NRXN3: variants seen among roughly 807,000 people sequenced by gnomAD.
NRXN3 encodes neurexin 3.
NRXN3 carries 32 observed loss-of-function variants against 137.6 expected under a neutral mutation model. The ratio of observed to expected loss-of-function variants is 0.23; its 90% CI spans 0.18 to 0.31. NRXN3 has a LOEUF of 0.31. Among genes scored for constraint, NRXN3 ranks in the 10% least tolerant of loss-of-function variants. NRXN3 has a pLI of 1.00. For missense variants in NRXN3, 1,574 were observed against 2,062.5 expected (o/e 0.76, Z 4.59); for synonymous variants, 798 against 784.5 (o/e 1.02, Z -0.29).
chr14:78,577,482 T>C (rs1425661800), intron 4 of NRXN3, among the ~76,000 whole-genome samples: 2 of 152,196 alleles, frequency 1.3e-5, no homozygotes, highest in African/African-American at 4.8e-5. Context: ...ATTTTTTTTT[T>C]GCGATGGAGT....
At chr14:78,180,422 C>T (rs534108088) in intron 1 of NRXN3, among the ~76,000 whole-genome samples, 217 of 152,310 alleles carry the variant, frequency 1.4e-3, no homozygotes, top group African/African-American at 4.8e-3. Flanking sequence ...ATTGGCTGAG[C>T]TGCCGCTGCA....
chr14:79,509,704 T>C (rs1475331189), intron 16 of NRXN3, among the ~76,000 whole-genome samples: 1 of 151,972 alleles, frequency 6.6e-6, no homozygotes, highest in African/African-American at 2.4e-5. Flanking sequence ...CATTTCACAA[T>C]GTCAACATAT....
intron 10 of NRXN3, among the ~76,000 whole-genome samples, chr14:78,925,674 A>G (rs1045598570): frequency 2.0e-5 from 3 of 152,154 alleles, no homozygotes; most frequent in African/African-American, 7.2e-5. Context: ...GGATTTAAAT[A>G]TAGTTATTGA....
intron 4 of NRXN3, among the ~76,000 whole-genome samples, chr14:78,379,723 T>C (rs1389257763): frequency 3.3e-5 from 5 of 152,236 alleles, no homozygotes; most frequent in Non-Finnish European, 7.3e-5. Context: ...CTCTCAGCTC[T>C]TATTCAAATA....
intron 6 of NRXN3, chr14:78,697,764 T>A (rs916409689): frequency 1.3e-5 from 2 of 151,998 alleles, no homozygotes; most frequent in Non-Finnish European, 2.9e-5. Context: ...CTGTCTATAT[T>A]ATTGTCAGTT....
At chr14:78,669,642 C>A (rs1037832776) in intron 6 of NRXN3, among the ~76,000 whole-genome samples, 2 of 152,054 alleles carry the variant, frequency 1.3e-5, no homozygotes, top group East Asian at 3.9e-4. Context: ...TCTCTTCTTG[C>A]TTCATTGCTT....
At position 78,628,026 on chromosome 14, in the gene NRXN3, G is replaced by A. The variant is rs1489549280; in HGVS notation, c.758-17094G>A. 7.3e-5 allele frequency among the ~76,000 whole-genome samples: 11 copies of A among 151,168 alleles called. No homozygotes were observed. The South Asian group carries it at 1.0e-3, about 14-fold the overall frequency. Reference sequence around the variant, plus strand: ...AAATGGTGGTCATCTTCTGGAATGGGAAAAAGAATAGTTGATATGGATAAT... The same window carrying A: ...AAATGGTGGTCATCTTCTGGAATGGAAAAAAGAATAGTTGATATGGATAAT... On this transcript the variant is annotated intron_variant, in intron 4 of 20. Coordinates refer to ENST00000335750, the MANE Select transcript of NRXN3 (RefSeq NM_001330195.2).
At chr14:79,203,916 G>A (rs1030739499) in intron 15 of NRXN3, among the ~76,000 whole-genome samples, 1 of 152,144 alleles carries the variant, frequency 6.6e-6, no homozygotes, top group African/African-American at 2.4e-5. Flanking sequence ...CTTTCTGAGA[G>A]AAAAAGCTCT....
chr14:78,172,188 A>T (rs2058788066), intron 1 of NRXN3, among the ~76,000 whole-genome samples: 1 of 152,004 alleles, frequency 6.6e-6, no homozygotes, highest in South Asian at 2.1e-4. Context: ...TGCCTTTGTG[A>T]TGAAGGTTCC....
intron 15 of NRXN3, among the ~76,000 whole-genome samples, chr14:79,144,222 C>T (rs1467724565): frequency 6.6e-6 from 1 of 152,146 alleles, no homozygotes; most frequent in Non-Finnish European, 1.5e-5. Flanking sequence ...TTTTCTACTT[C>T]AACACAGTCC....
chr14:79,041,514 G>A (rs1263870846), intron 15 of NRXN3, among the ~76,000 whole-genome samples: 1 of 152,176 alleles, frequency 6.6e-6, no homozygotes, highest in African/African-American at 2.4e-5. Flanking sequence ...TTCTTAATAT[G>A]TCTTAATATA....
chr14:78,918,285 C>CAAAAA (rs71454807), intron 10 of NRXN3, among the ~76,000 whole-genome samples: 29 of 34,586 alleles, frequency 8.4e-4, no homozygotes, highest in African/African-American at 2.0e-3. Context: ...AACTCCATCT[C>CAAAAA]AAAAAAAAAA....
chr14:78,881,683 A>T (rs1350217249), intron 10 of NRXN3, among the ~76,000 whole-genome samples: 1 of 151,706 alleles, frequency 6.6e-6, no homozygotes, highest in African/African-American at 2.4e-5. Flanking sequence ...ATATTCACAA[A>T]GATAGAATTT....
intron 8 of NRXN3, among the ~76,000 whole-genome samples, chr14:78,798,426 T>G (rs1189069088): frequency 1.3e-5 from 2 of 152,228 alleles, no homozygotes; most frequent in Non-Finnish European, 2.9e-5. Flanking sequence ...TTCCCATGGC[T>G]TTGGGCAGCT....
intron 15 of NRXN3, among the ~76,000 whole-genome samples, chr14:79,113,150 T>G (rs1394395597): frequency 6.6e-6 from 1 of 152,064 alleles, no homozygotes; most frequent in Non-Finnish European, 1.5e-5. Context: ...CTTCCAATTG[T>G]GCAAATAAAA....
intron 16 of NRXN3, among the ~76,000 whole-genome samples, chr14:79,541,703 T>C (rs2097274582): frequency 6.6e-6 from 1 of 152,184 alleles, no homozygotes; most frequent in African/African-American, 2.4e-5. Flanking sequence ...GAAATTGACA[T>C]CTATCTCTGG....
At chr14:79,036,499 A>C (rs1290864824) in intron 15 of NRXN3, among the ~76,000 whole-genome samples, 1 of 152,000 alleles carries the variant, frequency 6.6e-6, no homozygotes, top group African/African-American at 2.4e-5. Context: ...TGACAAAAAC[A>C]AAACAACAAC....
At chr14:78,392,184 A>G (rs1473043176) in intron 4 of NRXN3, among the ~76,000 whole-genome samples, 1 of 152,222 alleles carries the variant, frequency 6.6e-6, no homozygotes, top group African/African-American at 2.4e-5. Flanking sequence ...TGGCTACATC[A>G]TGCTGACAAA....
At chr14:78,874,094 C>T (rs920188394) in intron 10 of NRXN3, among the ~76,000 whole-genome samples, 31 of 151,732 alleles carry the variant, frequency 2.0e-4, no homozygotes, top group African/African-American at 7.0e-4. Context: ...GCCTCAGCCT[C>T]GTGAGTAGCT....
Sources: allele counts gnomAD v4.1 joint callset (sites outside exome capture counted in the v4.1 genomes callset), GRCh38; gene constraint gnomAD v4.1.1; transcripts MANE v1.5; gene names NCBI Gene and HGNC (gene_info 2026-07-23, HGNC 2026-07-21).